Variants in ATAD3B observed in about 807,000 individuals in gnomAD.
The protein encoded by ATAD3B is ATPase family AAA domain containing 3B.
A neutral mutation model predicts 70.2 loss-of-function variants in ATAD3B; 59 were observed. The observed-to-expected ratio is 0.84, with a 90% CI of 0.68 to 1.04. The LOEUF is 1.04. Ranked by LOEUF, ATAD3B falls within the 50% of genes least tolerant of loss-of-function variation. The probability of loss-of-function intolerance (pLI) is 0.00; values close to 1 mark genes in which losing one functional copy is unlikely to be tolerated. For synonymous variants in ATAD3B, 423 were observed against 388.6 expected (o/e 1.09, Z -1.04); for missense variants, 961 against 913.4 (o/e 1.05, Z -0.67).
At chr1:1,478,589 G>T in intron 2 of ATAD3B, 55 bp from the exon 3 acceptor site, 1 of 1,550,010 alleles carries the variant, frequency 6.5e-7, no homozygotes, top group Middle Eastern at 1.8e-4. Context: ...AGGAGCGGCT[G>T]TCAGGCAGTG....
intron 1 of ATAD3B, among the ~76,000 whole-genome samples, chr1:1,472,665 C>T (rs182184063): frequency 1.3e-5 from 2 of 152,218 alleles, no homozygotes; most frequent in African/African-American, 2.4e-5. Flanking sequence ...TGAGCACTGA[C>T]TGCACCTTCC....
chr1:1,483,431 C>T (rs1252182014), intron 7 of ATAD3B: 3 of 221,702 alleles, frequency 1.4e-5, no homozygotes, highest in African/African-American at 2.4e-5. Context: ...CGCACAATTG[C>T]ACTCCAACCT....
chr1:1,484,869 C>G lies in ATAD3B; in HGVS notation c.751-147C>G, dbSNP rs1640115782. 24 of 1,424,700 alleles carry G rather than the reference C, an allele frequency of 1.7e-5. No individual in the cohort carries two copies. The South Asian group carries it at 3.4e-4, about 20-fold the overall frequency. 88.3% of individuals were successfully genotyped at this position (1,424,700 alleles called of 1,614,324 possible). A position where few individuals can be genotyped will look rare whatever the true frequency, so the allele number is the denominator to read the frequency against. On this transcript the variant is annotated intron_variant, in intron 7 of 15. Coordinates refer to ENST00000673477, the MANE Select transcript of ATAD3B (RefSeq NM_031921.6). ...AACCGCGTGGCTGTGGGATTCGGGG[C>G]TGGGAATTCGGGTTCCTGTGGGGCC...
Position 1,487,883 on chromosome 1 carries a change from A to T in ATAD3B, c.1235A>T (p.Glu412Val). The change falls in exon 12 of 16, where the codon GAA becomes GTA. Residue 412 changes from glutamate to valine, a missense_variant. Physicochemically the swap from Glu to Val is moderately radical, Grantham distance 121. Coordinates refer to ENST00000673477, the MANE Select transcript of ATAD3B (RefSeq NM_031921.6). The part of the protein sequence containing the change: ...SRRGLLLFMD[E>V]ADAFLRKRAT... ...CACAGCCTCCTGCTCTTCATGGATGAAGCAGACGCCTTCCTTCGGAAGCGA... is the reference window on the plus strand; with the variant it reads ...CACAGCCTCCTGCTCTTCATGGATGTAGCAGACGCCTTCCTTCGGAAGCGA... 1 of 1,613,100 alleles carries T rather than the reference A, an allele frequency of 6.2e-7. No individual in the cohort carries two copies. The highest frequency in any genetic ancestry group is 8.5e-7 in the Non-Finnish European group (1 of 1,179,486).
At position 1,487,888 on chromosome 1, in the gene ATAD3B, G is replaced by T; in HGVS notation, c.1240G>T (p.Asp414Tyr). 1.2e-6 allele frequency: 2 copies of T among 1,613,094 alleles called. No individual in the cohort carries two copies. The highest frequency in any genetic ancestry group is 8.5e-7 in the Non-Finnish European group (1 of 1,179,522). ...RGLLLFMDEA[D>Y]AFLRKRATEE... ...CCTCCTGCTCTTCATGGATGAAGCA[G>T]ACGCCTTCCTTCGGAAGCGAGCCAC... Residue 414 changes from aspartate (D) to tyrosine (Y), a missense_variant, in exon 12 of 16, where the codon GAC becomes TAC. Around this residue, in one of 4 missense-constraint regions of ATAD3B, gnomAD observed 417 missense variants for 335.0 expected, o/e 1.24. Transcript: ENST00000673477.
chr1:1,475,517 C>T (rs921864558), intron 1 of ATAD3B, among the ~76,000 whole-genome samples: 13 of 151,970 alleles, frequency 8.6e-5, no homozygotes, highest in Non-Finnish European at 1.0e-4. Flanking sequence ...GGCGGCTCCT[C>T]CTCACCGACT....
the ATAD3B span, among the ~76,000 whole-genome samples, chr1:1,508,167 C>T: frequency 1.3e-5 from 2 of 151,794 alleles, no homozygotes; most frequent in African/African-American, 4.9e-5. Context: ...TGATGTTGAG[C>T]AGTCCTGGGC....
At chr1:1,503,787 C>T in the ATAD3B span, 128 of 1,373,348 alleles carry the variant, frequency 9.3e-5, 1 homozygote, top group South Asian at 1.4e-3. Context: ...GGTGCAGGGC[C>T]GAGCTTGGGC....
chr1:1,487,216 C>T (rs572173663), intron 11 of ATAD3B, among the ~76,000 whole-genome samples: 9 of 152,038 alleles, frequency 5.9e-5, no homozygotes, highest in Non-Finnish European at 1.0e-4. Flanking sequence ...CTGCGCCAGG[C>T]GTGGTGGCTC....
intron 7 of ATAD3B, chr1:1,483,104 T>A (rs776784585): frequency 1.1e-5 from 5 of 450,818 alleles, no homozygotes; most frequent in South Asian, 7.8e-5. Context: ...ATCATCCTGG[T>A]AAGAGTGAAA....
In ATAD3B at chr1:1,482,060, G is replaced by A. The variant is rs912653726; in HGVS notation, c.515-78G>A. The stretch of plus-strand genomic sequence containing the variant: ...TCCGTGGCGTGGGCCGGTCCGTGGC[G>A]TGGGCCGGTCCACAGTGTGGGTGGA... On this transcript the variant is annotated intron_variant, in intron 5 of 15. Transcript: ENST00000673477. The A allele has an allele frequency of 1.1e-4, 164 of 1,540,588 alleles. 3 individuals are homozygous for A. The highest frequency in any genetic ancestry group is 9.2e-4 in the Middle Eastern group (4 of 4,346).
Position 1,482,228 on chromosome 1 carries a change from A to G in ATAD3B, c.605A>G (p.Glu202Gly), listed in dbSNP as rs1362023652. The change falls in exon 6 of 16, where the codon GAG (glutamate) becomes GGG (glycine). Residue 202 changes from glutamate (E) to glycine (G), a missense_variant. Glu to Gly is a moderately conservative substitution (Grantham distance 98, BLOSUM62 -2). Coordinates refer to ENST00000673477, the MANE Select transcript of ATAD3B (RefSeq NM_031921.6). ...EARARAKAER[E>G]NADIIREQIR... Reference sequence around the variant, plus strand: ...CGGGCGCGCGCCAAGGCCGAGCGGGAGAATGCAGACATCATCCGCGAGCAG... The same window carrying G: ...CGGGCGCGCGCCAAGGCCGAGCGGGGGAATGCAGACATCATCCGCGAGCAG... The G allele has an allele frequency of 1.2e-6, 2 of 1,611,488 alleles. No individual in the cohort carries two copies. The highest frequency in any genetic ancestry group is 1.7e-6 in the Non-Finnish European group (2 of 1,179,324).
intron 15 of ATAD3B, among the ~76,000 whole-genome samples, chr1:1,490,990 C>T (rs1011429207): frequency 6.6e-6 from 1 of 151,946 alleles, no homozygotes; most frequent in Admixed American, 6.6e-5. Flanking sequence ...TCTTGGCCAA[C>T]AGGCACCTCC....
chr1:1,490,251 C>G lies in ATAD3B; in HGVS notation c.1338-6C>G. On this transcript the variant is annotated splice_region_variant and splice_polypyrimidine_tract_variant and intron_variant, in intron 13 of 15. Transcript: ENST00000673477. ...CAGCGTTTCCTTCCCCATCCCTGTC[C>G]TACAGATTCATGCTGGTCCTGGCCA... 1 of 1,611,292 alleles carries G rather than the reference C, an allele frequency of 6.2e-7. No individual in the cohort carries two copies. Among genetic ancestry groups the G allele is most frequent in the Non-Finnish European group, 8.5e-7 (1 of 1,178,396 alleles).
chr1:1,475,018 C>A lies in ATAD3B; in HGVS notation c.206-2256C>A, dbSNP rs1217504673. Among the ~76,000 whole-genome samples the A allele has an allele frequency of 2.0e-5, 3 of 149,058 alleles. No homozygotes were observed. The South Asian group carries it at 6.4e-4, about 32-fold the overall frequency. ...AAGCTGAATCGTAGTGATCAGCCTG[C>A]GGCCCCCTGCAGTGGTACAGGCCTG... On this transcript the variant is annotated intron_variant, in intron 1 of 15. Transcript: ENST00000673477.
intron 2 of ATAD3B, chr1:1,478,281 G>C: frequency 1.2e-6 from 1 of 825,050 alleles, no homozygotes; most frequent in Non-Finnish European, 1.8e-6. Flanking sequence ...ATAGGCAAGA[G>C]CGATGGCGCC....
chr1:1,490,351 CAGG>C lies in ATAD3B; in HGVS notation c.1438_1440del (p.Glu480del). ...GATGGTCCACTTCGACCTGCCGCAG[CAGG>C]AGGAGCGGGAGCGCCTGGTGAGACT... On this transcript the variant is annotated inframe_deletion, in exon 14 of 16. Transcript: ENST00000673477. 1.9e-6 allele frequency: 3 copies of C among 1,613,472 alleles called. No homozygotes were observed. Among genetic ancestry groups the C allele is most frequent in the Non-Finnish European group, 2.5e-6 (3 of 1,179,716 alleles).
rs1457010875 is a variant in ATAD3B, at chr1:1,480,720, T to G, written c.445-147T>G. ...GCCGTCCCAGCCGATGTCACCCGTG[T>G]CTGTGTCAGGGTGCGGCGTCTGCAG... On this transcript the variant is annotated intron_variant, in intron 4 of 15. Coordinates refer to ENST00000673477, the MANE Select transcript of ATAD3B (RefSeq NM_031921.6). 4.9e-6 allele frequency: 7 copies of G among 1,433,042 alleles called. 1 individual carries two copies. The highest frequency in any genetic ancestry group is 2.5e-5 in the Admixed American group (1 of 39,934). 88.8% of individuals were successfully genotyped at this position (1,433,042 alleles called of 1,614,324 possible).
Position 1,495,578 on chromosome 1 carries a change from C to T in ATAD3B, c.1708C>T (p.Arg570Cys), listed in dbSNP as rs535677144. 3.2e-5 allele frequency: 51 copies of T among 1,613,166 alleles called. 2 individuals carry two copies. Among genetic ancestry groups the T allele is most frequent in the Middle Eastern group, 1.6e-4 (1 of 6,062 alleles). ...DAVQQYRQKM[R>C]WLKAEGPGRG... is the part of the protein sequence containing the mutation. ...TGTCCAGCAGTACCGACAGAAGATG[C>T]GCTGGCTGAAGGCGGAGGGGCCTGG... Residue 570 changes from arginine (R) to cysteine (C), a missense_variant, in exon 16 of 16, where the codon CGC becomes TGC. By Grantham distance (180) the Arg-to-Cys change is radical. Around this residue, in one of 4 missense-constraint regions of ATAD3B, gnomAD observed 417 missense variants for 335.0 expected, o/e 1.24. Coordinates refer to ENST00000673477, the MANE Select transcript of ATAD3B (RefSeq NM_031921.6).
Sources: allele counts gnomAD v4.1 joint callset (sites outside exome capture counted in the v4.1 genomes callset), GRCh38; gene constraint gnomAD v4.1.1; regional missense constraint gnomAD v4.1.1; transcripts MANE v1.5; gene names NCBI Gene and HGNC (gene_info 2026-07-23, HGNC 2026-07-21).